ZFAT: variants seen among roughly 807,000 people sequenced by gnomAD.
ZFAT encodes zinc finger and AT-hook domain containing, also known as zinc finger protein ZFAT.
ZFAT carries 64 observed loss-of-function variants against 117.7 expected under a neutral mutation model. That is an observed-to-expected ratio of 0.54 (90% CI 0.44 to 0.67). The LOEUF is 0.67. Ranked by LOEUF, ZFAT falls within the 30% of genes least tolerant of loss-of-function variation. ZFAT has a pLI of 0.00. For missense variants in ZFAT, 1,433 were observed against 1,584.5 expected (o/e 0.90, Z 1.62); for synonymous variants, 679 against 615.0 (o/e 1.10, Z -1.54).
chr8:134,823,555 C>T, the ZFAT span, among the ~76,000 whole-genome samples: 1 of 152,148 alleles, frequency 6.6e-6, no homozygotes, highest in African/African-American at 2.4e-5. Context: ...AAGTAACTTG[C>T]CTAAGACAAC....
chr8:134,762,245 C>T, the ZFAT span, among the ~76,000 whole-genome samples: 1 of 152,200 alleles, frequency 6.6e-6, no homozygotes, highest in South Asian at 2.1e-4. Context: ...CCACATCATT[C>T]CTGGTCTCTA....
the ZFAT span, among the ~76,000 whole-genome samples, chr8:134,732,904 A>G: frequency 3.9e-5 from 6 of 152,146 alleles, no homozygotes; most frequent in Admixed American, 2.6e-4. Context: ...ATGTCAGTAT[A>G]CCCCGTCACA....
intron 10 of ZFAT, among the ~76,000 whole-genome samples, chr8:134,574,809 C>T (rs1264341038): frequency 1.3e-5 from 2 of 152,148 alleles, no homozygotes; most frequent in African/African-American, 4.8e-5. Flanking sequence ...AAAATGCCTC[C>T]TTATGACTGT....
At chr8:134,770,324 G>A in the ZFAT span, among the ~76,000 whole-genome samples, 5,788 of 152,260 alleles carry the variant, frequency 0.038, 151 homozygotes, top group Middle Eastern at 0.071. Context: ...AGAAGAACGT[G>A]GATTGTGAAG....
At chr8:134,830,275 C>T in the ZFAT span, among the ~76,000 whole-genome samples, 3 of 152,192 alleles carry the variant, frequency 2.0e-5, no homozygotes, top group Non-Finnish European at 4.4e-5. Flanking sequence ...GGACTGTATA[C>T]AGACATATGT....
intron 1 of ZFAT, among the ~76,000 whole-genome samples, chr8:134,658,358 C>G (rs559442233): frequency 1.0e-5 from 1 of 95,764 alleles, no homozygotes; most frequent in Non-Finnish European, 2.2e-5. Context: ...AAATTTGCAA[C>G]TTAAAAAACT....
At chr8:134,623,293 T>A (rs1829263839) in intron 3 of ZFAT, among the ~76,000 whole-genome samples, 1 of 152,162 alleles carries the variant, frequency 6.6e-6, no homozygotes, top group African/African-American at 2.4e-5. Flanking sequence ...CCTTCCCTGC[T>A]CTCCATCCCT....
chr8:134,617,304 G>A (rs868085891), intron 3 of ZFAT, among the ~76,000 whole-genome samples: 2 of 152,112 alleles, frequency 1.3e-5, no homozygotes, highest in African/African-American at 4.8e-5. Flanking sequence ...TTCTCCCAAT[G>A]AACAAAGCCC....
chr8:134,562,269 A>C (rs937962875), intron 11 of ZFAT, among the ~76,000 whole-genome samples: 1 of 152,252 alleles, frequency 6.6e-6, no homozygotes, highest in Non-Finnish European at 1.5e-5. Flanking sequence ...CAGCCCTGCC[A>C]ACACCTTGAT....
intron 11 of ZFAT, among the ~76,000 whole-genome samples, chr8:134,549,624 C>CA (rs761880644): frequency 1.7e-4 from 26 of 150,494 alleles, no homozygotes; most frequent in Middle Eastern, 3.4e-3. Flanking sequence ...GTGGGCAACT[C>CA]AAAAAAAAAT....
chr8:134,555,071 ATACAAAGC>A (rs1823465700), intron 11 of ZFAT, among the ~76,000 whole-genome samples: 1 of 152,232 alleles, frequency 6.6e-6, no homozygotes, highest in Non-Finnish European at 1.5e-5. Context: ...TAGTAAAAGA[ATACAAAGC>A]AAAATCAGCA....
intron 1 of ZFAT, among the ~76,000 whole-genome samples, chr8:134,673,878 C>T (rs4364595): frequency 0.41 from 62,311 of 151,980 alleles, 13,160 homozygotes; most frequent in African/African-American, 0.52. Context: ...TTTGAGAGGC[C>T]GAGGTGGGCA....
At chr8:134,769,821 C>T in the ZFAT span, among the ~76,000 whole-genome samples, 1 of 152,234 alleles carries the variant, frequency 6.6e-6, no homozygotes, top group Admixed American at 6.5e-5. Flanking sequence ...CAGAGGTTCC[C>T]AAACTTCAAT....
At chr8:134,495,194 T>C (rs79308609) in intron 15 of ZFAT, among the ~76,000 whole-genome samples, 4,621 of 152,094 alleles carry the variant, frequency 0.03, 226 homozygotes, top group African/African-American at 0.11. Flanking sequence ...GAAATCTATC[T>C]CCCATAGTTC....
rs1827561002 is a variant in ZFAT, at chr8:134,602,386, G to A, written c.1333C>T (p.Gln445Ter). The A allele has an allele frequency of 6.2e-7, 1 of 1,613,772 alleles. No individual in the cohort carries two copies. The change falls in exon 6 of 16, where the codon CAG (glutamine) becomes TAG (stop). Residue 445 changes from glutamine (Q) to a stop codon, truncating the protein, a stop_gained. Transcript: ENST00000377838. LOFTEE classifies it high-confidence loss of function. The stretch of plus-strand genomic sequence containing the variant: ...TTCCTGACATGCAGTTCCAGCGCCT[G>A]GTACTTGGTGGCCCCATGGCCACAG... The part of the protein sequence containing the change: ...ELCGHGATKY[Q>*]ALELHVRKHP...
intron 9 of ZFAT, among the ~76,000 whole-genome samples, chr8:134,587,949 C>T (rs1033340567): frequency 4.6e-5 from 7 of 152,294 alleles, no homozygotes; most frequent in South Asian, 2.1e-4. Flanking sequence ...AATAAGTCTC[C>T]GGTGTTCCTG....
chr8:134,554,135 G>A (rs924501618), intron 11 of ZFAT, among the ~76,000 whole-genome samples: 1 of 152,192 alleles, frequency 6.6e-6, no homozygotes, highest in African/African-American at 2.4e-5. Flanking sequence ...ACAGTCTGCT[G>A]TCTCAGTCAC....
chr8:134,511,280 A>G (rs1819822190), intron 14 of ZFAT, among the ~76,000 whole-genome samples: 1 of 152,112 alleles, frequency 6.6e-6, no homozygotes, highest in African/African-American at 2.4e-5. Context: ...ATAGGGGATG[A>G]AGACAGACAG....
intron 1 of ZFAT, 125 bp downstream of exon 1, chr8:134,712,720 C>CGGCCGGCG (rs1814059016): frequency 2.9e-5 from 20 of 687,930 alleles, no homozygotes; most frequent in Non-Finnish European, 4.2e-5. Flanking sequence ...GATCCCTCCG[C>CGGCCGGCG]GGCCGGCGGC....
Sources: gnomAD v4.1 joint callset for allele counts (sites outside exome capture counted in the v4.1 genomes callset) on GRCh38, gnomAD v4.1.1 for gene constraint, MANE v1.5 for transcripts, NCBI Gene and HGNC (gene_info 2026-07-23, HGNC 2026-07-21) for gene names.